Variants in ASCC2 observed in about 807,000 individuals in gnomAD.
ASCC2 encodes the protein ASC-1 complex subunit P100.
A neutral mutation model predicts 93.5 loss-of-function variants in ASCC2; 42 were observed. The observed-to-expected ratio is 0.45, with a 90% CI of 0.35 to 0.58. ASCC2 has a LOEUF of 0.58. Ranked by LOEUF, ASCC2 falls within the 20% of genes least tolerant of loss-of-function variation. The pLI, the probability that ASCC2 is intolerant of heterozygous loss-of-function variation, is 0.00. For synonymous variants in ASCC2, 364 were observed against 384.2 expected, an observed-to-expected ratio of 0.95 and a Z score of 0.62; for missense variants, 859 against 977.6, an observed-to-expected ratio of 0.88 and a Z score of 1.62.
chr22:29,813,659 A>C, intron 7 of ASCC2, 117 bp from the exon 8 acceptor site: 1 of 710,462 alleles, frequency 1.4e-6, no homozygotes, highest in South Asian at 1.8e-5. Context: ...GTTACACAGG[A>C]GGAAAAGAAC....
At chr22:29,792,409 A>G in intron 18 of ASCC2, 24 bp downstream of exon 18, 1 of 1,613,020 alleles carries the variant, frequency 6.2e-7, no homozygotes, top group South Asian at 1.1e-5. Context: ...TCTCCCCTTC[A>G]TCTGCTACCT....
intron 2 of ASCC2, among the ~76,000 whole-genome samples, chr22:29,826,862 C>T (rs1293777668): frequency 6.6e-6 from 1 of 151,918 alleles, no homozygotes; most frequent in African/African-American, 2.4e-5. Context: ...CTTTGGGAGG[C>T]TGAGGCAGGC....
At chr22:29,822,541 C>G in intron 4 of ASCC2, 77 bp from the exon 5 acceptor site, 1 of 1,533,538 alleles carries the variant, frequency 6.5e-7, no homozygotes, top group South Asian at 1.1e-5. Flanking sequence ...TCATGAGAAA[C>G]GATCTTTGGT....
At chr22:29,835,337 G>A (rs889798635) in intron 1 of ASCC2, among the ~76,000 whole-genome samples, 1 of 151,810 alleles carries the variant, frequency 6.6e-6, no homozygotes, top group African/African-American at 2.4e-5. Context: ...GATCAAGGCT[G>A]CAGTAAGCCA....
intron 9 of ASCC2, 62 bp from the exon 10 acceptor site, chr22:29,806,966 C>T (rs893863465): frequency 1.6e-6 from 2 of 1,286,238 alleles, no homozygotes; most frequent in African/African-American, 1.5e-5. Flanking sequence ...GGGCCAGGTG[C>T]AGTGGTTTAC....
chr22:29,804,601 A>G (rs767000397), intron 13 of ASCC2, 37 bp downstream of exon 13: 2 of 1,600,170 alleles, frequency 1.2e-6, no homozygotes, highest in Admixed American at 1.7e-5. Context: ...CCAAGGAGGG[A>G]CAAGCGAAGA....
At chr22:29,827,151 G>A (rs1602216782) in intron 2 of ASCC2, among the ~76,000 whole-genome samples, 1 of 149,068 alleles carries the variant, frequency 6.7e-6, no homozygotes, top group Non-Finnish European at 1.5e-5. Flanking sequence ...GTCTGGGTCT[G>A]TTCTTTCCTT....
chr22:29,818,231 G>A (rs1026967842), intron 5 of ASCC2, among the ~76,000 whole-genome samples: 2 of 151,958 alleles, frequency 1.3e-5, no homozygotes, highest in Non-Finnish European at 2.9e-5. Context: ...GAGTTTCCGC[G>A]GTATAGAAAT....
intron 8 of ASCC2, among the ~76,000 whole-genome samples, chr22:29,812,942 C>T (rs1049715151): frequency 6.6e-6 from 1 of 151,012 alleles, no homozygotes; most frequent in Non-Finnish European, 1.5e-5. Flanking sequence ...AGTGCAGTGG[C>T]GCGATCTCAG....
chr22:29,825,341 C>G lies in ASCC2; in HGVS notation c.241-84G>C. The G allele has an allele frequency of 6.9e-7, 1 of 1,443,876 alleles. No homozygotes were observed. The highest frequency in any genetic ancestry group is 9.4e-7 in the Non-Finnish European group (1 of 1,069,484). 89.4% of individuals were successfully genotyped at this position (1,443,876 alleles called of 1,614,324 possible). On this transcript the variant is annotated intron_variant, in intron 3 of 19. Coordinates refer to ENST00000307790, the MANE Select transcript of ASCC2 (RefSeq NM_032204.5). The surrounding 1 kb of genome is among the most constrained non-coding windows in gnomAD (Gnocchi z 4.9). ...GTGGACTGTGCAGGGACTCAATGCCCATCAGCCCTGCCCTATTCCAAACAC... is the reference window on the plus strand; with the variant it reads ...GTGGACTGTGCAGGGACTCAATGCCGATCAGCCCTGCCCTATTCCAAACAC...
chr22:29,800,990 C>T lies in ASCC2; in HGVS notation c.1688+1G>A. 6.3e-7 allele frequency: 1 copy of T among 1,592,884 alleles called. No individual in the cohort carries two copies. The highest frequency in any genetic ancestry group is 1.7e-5 in the Admixed American group (1 of 59,478). ...GGAACCCCATGGCCCACTGCACTCA[C>T]CTCTTGCCCTTGTGCACCCGGCTCA... On this transcript the variant is annotated splice_donor_variant, in intron 15 of 19. Coordinates refer to ENST00000307790, the MANE Select transcript of ASCC2 (RefSeq NM_032204.5). LOFTEE classifies it high-confidence loss of function.
chr22:29,826,731 G>T (rs1171447435), intron 2 of ASCC2, among the ~76,000 whole-genome samples: 1 of 152,068 alleles, frequency 6.6e-6, no homozygotes, highest in African/African-American at 2.4e-5. Context: ...CAGGCCCCAT[G>T]TTCCCTGCAG....
At chr22:29,815,747 AC>A (rs1395377702) in intron 6 of ASCC2, among the ~76,000 whole-genome samples, 3 of 152,272 alleles carry the variant, frequency 2.0e-5, no homozygotes, top group African/African-American at 4.8e-5. Flanking sequence ...TTGGCAAGCA[AC>A]AAAAAATGCA....
intron 5 of ASCC2, among the ~76,000 whole-genome samples, chr22:29,817,723 T>C (rs1047070004): frequency 1.3e-5 from 2 of 152,204 alleles, no homozygotes; most frequent in Non-Finnish European, 1.5e-5. Flanking sequence ...TCATACTCTA[T>C]TCTTGGGGTC....
chr22:29,829,379 C>T (rs927463878), intron 2 of ASCC2, among the ~76,000 whole-genome samples: 13 of 152,214 alleles, frequency 8.5e-5, no homozygotes, highest in African/African-American at 2.9e-4. Flanking sequence ...TAGAACACCA[C>T]CTGGCATTGA....
chr22:29,792,397 A>G, intron 18 of ASCC2, 36 bp downstream of exon 18: 1 of 1,610,456 alleles, frequency 6.2e-7, no homozygotes, highest in Non-Finnish European at 8.5e-7. Flanking sequence ...TCAGAACTGC[A>G]CTCTCCCCTT....
chr22:29,836,685 C>A (rs937363690), intron 1 of ASCC2, among the ~76,000 whole-genome samples: 1 of 152,042 alleles, frequency 6.6e-6, no homozygotes, highest in Admixed American at 6.5e-5. Context: ...CTCAGCCTCC[C>A]GAGTAGCTGG....
In ASCC2 at chr22:29,789,066, T is replaced by G; in HGVS notation, c.2221A>C (p.Asn741His). The change falls in exon 20 of 20, where the codon AAC becomes CAC. Residue 741 changes from asparagine (N) to histidine (H), a missense_variant. Coordinates refer to ENST00000307790, the MANE Select transcript of ASCC2 (RefSeq NM_032204.5). ...TTGCGGTCGGCCATGGTTCTCCGGT[T>G]GTGGTTGGCTCTTGTCGCCTTGTTG... is the stretch of plus-strand genomic sequence containing the variant. ...EANKATRANHNRRTMADRKRS... is the reference protein window; with the variant it reads ...EANKATRANHHRRTMADRKRS... 1.9e-6 allele frequency: 3 copies of G among 1,614,166 alleles called. No homozygotes were observed. Among genetic ancestry groups the G allele is most frequent in the Non-Finnish European group, 8.5e-7 (1 of 1,180,018 alleles).
At position 29,793,400 on chromosome 22, in the gene ASCC2, C is replaced by A; in HGVS notation, c.1879G>T (p.Ala627Ser). 1.2e-6 allele frequency: 2 copies of A among 1,613,980 alleles called. No homozygotes were observed. ...DDTYDGNQVG[A>S]NDADSDDELI... Reference sequence around the variant, plus strand: ...TCGTCATCAGAGTCTGCATCATTGGCGCCCACCTGGTTGCCATCGTATGTG... The same window carrying A: ...TCGTCATCAGAGTCTGCATCATTGGAGCCCACCTGGTTGCCATCGTATGTG... The change falls in exon 17 of 20, where the codon GCC becomes TCC. Residue 627 changes from alanine (A) to serine (S), a missense_variant. By Grantham distance (99) the Ala-to-Ser change is moderately conservative. Transcript: ENST00000307790.
Sources: gnomAD v4.1 joint callset for allele counts (sites outside exome capture counted in the v4.1 genomes callset) on GRCh38, gnomAD v4.1.1 for gene constraint, Gnocchi (gnomAD v3.1) non-coding constraint, MANE v1.5 for transcripts, NCBI Gene and HGNC (gene_info 2026-07-23, HGNC 2026-07-21) for gene names.